MEI4: variants seen among roughly 807,000 people sequenced by gnomAD.
MEI4 encodes meiosis-specific protein MEI4.
A neutral mutation model predicts 31.4 loss-of-function variants in MEI4; 27 were observed. That is an observed-to-expected ratio of 0.86 (90% CI 0.63 to 1.19). MEI4 has a LOEUF of 1.19. Among genes scored for constraint, MEI4 ranks in the 50% most tolerant of loss-of-function variants. The pLI is 0.00. For missense variants in MEI4, 329 were observed against 398.9 expected (o/e 0.82, Z 1.49); for synonymous variants, 122 against 145.4 (o/e 0.84, Z 1.16).
intron 4 of MEI4, among the ~76,000 whole-genome samples, chr6:77,836,887 G>A (rs1053625236): frequency 7.9e-5 from 12 of 152,140 alleles, no homozygotes; most frequent in African/African-American, 2.9e-4. Flanking sequence ...GGGACCCTGG[G>A]CATGAACTTT....
chr6:77,658,982 C>A (rs1448369328), intron 1 of MEI4, among the ~76,000 whole-genome samples: 2 of 152,036 alleles, frequency 1.3e-5, no homozygotes, highest in African/African-American at 4.8e-5. Context: ...CCTTTTTCAG[C>A]AGTGAGTAAG....
chr6:77,777,234 TAGC>T (rs1768472969), intron 3 of MEI4, among the ~76,000 whole-genome samples: 1 of 152,128 alleles, frequency 6.6e-6, no homozygotes, highest in South Asian at 2.1e-4. Flanking sequence ...ATAAATCCCT[TAGC>T]AGACCCAAGA....
At position 77,787,940 on chromosome 6, in the gene MEI4, T is replaced by C. The variant is rs559581710; in HGVS notation, c.768+26275T>C. ...TTGAGGATTTTTGCATCGATGTTCA[T>C]CAGGGATATTGGTGTAAAATTGTCA... On this transcript the variant is annotated intron_variant, in intron 3 of 4. Coordinates refer to ENST00000684080, the MANE Select transcript of MEI4 (RefSeq NM_001322247.2). 2.3e-3 allele frequency among the ~76,000 whole-genome samples: 350 copies of C among 152,334 alleles called. 3 individuals carry two copies. The highest frequency in any genetic ancestry group is 7.6e-3 in the African/African-American group (317 of 41,584).
At chr6:77,766,746 G>GT (rs1002650403) in intron 3 of MEI4, among the ~76,000 whole-genome samples, 12 of 151,726 alleles carry the variant, frequency 7.9e-5, no homozygotes, top group African/African-American at 1.7e-4. Context: ...AATCAGTTTT[G>GT]TTTTTTTTCT....
At position 77,686,875 on chromosome 6, in the gene MEI4, C is replaced by CTTTTTTTTTTTTT. The variant is rs70974681; in HGVS notation, c.-14-3774_-14-3773insTTTTTTTTTTTTT. 6.4e-4 allele frequency among the ~76,000 whole-genome samples: 85 copies of CTTTTTTTTTTTTT among 132,530 alleles called. 3 individuals carry two copies. The highest frequency in any genetic ancestry group is 1.1e-3 in the Non-Finnish European group (67 of 60,760). 86.9% of individuals were successfully genotyped at this position (132,530 alleles called of 152,430 possible). A position where few individuals can be genotyped will look rare whatever the true frequency, so the allele number is the denominator to read the frequency against. On this transcript the variant is annotated intron_variant, in intron 1 of 4. Transcript: ENST00000684080. The stretch of plus-strand genomic sequence containing the variant: ...TCTTGAATAGGAATGGTCTGTGGCT[C>CTTTTTTTTTTTTT]TTTTTTTTTGTAGATGTTTCATCAG...
chr6:77,823,081 GT>G (rs1395918362), intron 3 of MEI4, among the ~76,000 whole-genome samples: 2 of 151,986 alleles, frequency 1.3e-5, no homozygotes, highest in East Asian at 3.9e-4. Context: ...CTTCAATTTT[GT>G]TTTGTCCTAT....
chr6:77,917,811 CT>C, intron 4 of MEI4, among the ~76,000 whole-genome samples: 1 of 150,750 alleles, frequency 6.6e-6, no homozygotes, highest in East Asian at 2.0e-4. Context: ...CTTGCCATTG[CT>C]TTTGGTGTTT....
At chr6:77,813,341 C>T (rs1227088007) in intron 3 of MEI4, among the ~76,000 whole-genome samples, 2 of 152,014 alleles carry the variant, frequency 1.3e-5, no homozygotes, top group East Asian at 1.9e-4. Flanking sequence ...TCTACAGTAC[C>T]TCAGAAGTTT....
intron 4 of MEI4, among the ~76,000 whole-genome samples, chr6:77,879,731 A>T (rs1771432643): frequency 6.6e-6 from 1 of 152,182 alleles, no homozygotes; most frequent in Non-Finnish European, 1.5e-5. Flanking sequence ...CTGAGATGGT[A>T]TCTGTACAAG....
At chr6:77,780,186 TAAAA>T (rs1768557494) in intron 3 of MEI4, among the ~76,000 whole-genome samples, 1 of 152,100 alleles carries the variant, frequency 6.6e-6, no homozygotes, top group African/African-American at 2.4e-5. Flanking sequence ...ATAGCTTCAG[TAAAA>T]GATTTGGCTG....
intron 2 of MEI4, among the ~76,000 whole-genome samples, chr6:77,756,612 CCTCT>C (rs556375226): frequency 1.4e-5 from 2 of 147,370 alleles, no homozygotes; most frequent in Admixed American, 6.8e-5. Flanking sequence ...TCCCTCCCTC[CCTCT>C]CTCTCTCCCT....
intron 1 of MEI4, among the ~76,000 whole-genome samples, chr6:77,664,935 G>A (rs1255775392): frequency 1.3e-5 from 2 of 152,098 alleles, no homozygotes; most frequent in African/African-American, 4.8e-5. Context: ...TTTAGGTCAG[G>A]TGTGAGTTGA....
intron 4 of MEI4, among the ~76,000 whole-genome samples, chr6:77,906,365 T>C (rs1766296492): frequency 3.3e-5 from 5 of 152,076 alleles, no homozygotes; most frequent in African/African-American, 1.2e-4. Context: ...TGTACAGCGG[T>C]GCTTGCTAGT....
At chr6:77,684,615 G>T (rs1769019044) in intron 1 of MEI4, among the ~76,000 whole-genome samples, 1 of 151,956 alleles carries the variant, frequency 6.6e-6, no homozygotes, top group South Asian at 2.1e-4. Flanking sequence ...TTGTCTTTCT[G>T]TCCCTGGCTT....
intron 4 of MEI4, among the ~76,000 whole-genome samples, chr6:77,873,553 C>G (rs921498917): frequency 6.6e-6 from 1 of 152,072 alleles, no homozygotes; most frequent in Non-Finnish European, 1.5e-5. Flanking sequence ...ATTCTGTAGG[C>G]TGCCTGTTCA....
intron 4 of MEI4, among the ~76,000 whole-genome samples, chr6:77,859,083 T>A (rs946828135): frequency 1.3e-5 from 2 of 152,172 alleles, no homozygotes; most frequent in Non-Finnish European, 2.9e-5. Flanking sequence ...CCATGTGTCC[T>A]TATTGTTCAA....
intron 3 of MEI4, among the ~76,000 whole-genome samples, chr6:77,776,674 A>G (rs2127688631): frequency 6.6e-6 from 1 of 152,280 alleles, no homozygotes; most frequent in Non-Finnish European, 1.5e-5. Flanking sequence ...TCCAAGCCAG[A>G]GCCATGTTAA....
At chr6:77,758,788 T>C (rs1016751628) in intron 2 of MEI4, among the ~76,000 whole-genome samples, 9 of 152,168 alleles carry the variant, frequency 5.9e-5, no homozygotes, top group African/African-American at 2.2e-4. Context: ...TCCATTGTGT[T>C]TTTTTATTTG....
chr6:77,719,222 C>G (rs1766658483), intron 2 of MEI4, among the ~76,000 whole-genome samples: 1 of 139,644 alleles, frequency 7.2e-6, no homozygotes, highest in African/African-American at 2.7e-5. Context: ...ATTGGCCACA[C>G]ATTCTTCCCA....
Sources: allele counts gnomAD v4.1 joint callset (sites outside exome capture counted in the v4.1 genomes callset), GRCh38; gene constraint gnomAD v4.1.1; transcripts MANE v1.5; gene names NCBI Gene and HGNC (gene_info 2026-07-23, HGNC 2026-07-21).